Variants in TIGIT observed in about 807,000 individuals in gnomAD.
The protein encoded by TIGIT is T cell immunoreceptor with Ig and ITIM domains.
In TIGIT, 11 loss-of-function variants were observed where a neutral mutation model predicts 19.6. That is an observed-to-expected ratio of 0.56 (90% CI 0.35 to 0.93). The LOEUF is 0.93. TIGIT is among the 40% of genes least tolerant of loss of function. The probability of loss-of-function intolerance (pLI) is 0.01; values close to 1 mark genes in which losing one functional copy is unlikely to be tolerated. For missense variants in TIGIT, 295 were observed against 303.9 expected (o/e 0.97, Z 0.22); for synonymous variants, 130 against 125.5 (o/e 1.04, Z -0.24).
intron 2 of TIGIT, 44 bp from the exon 3 acceptor site, chr3:114,299,553 A>G: frequency 6.8e-7 from 1 of 1,466,190 alleles, no homozygotes. Context: ...AATCAGCTTC[A>G]CTTCTGGCTT....
chr3:114,305,135 C>T (rs772799069), intron 3 of TIGIT, among the ~76,000 whole-genome samples: 5 of 151,260 alleles, frequency 3.3e-5, no homozygotes, highest in Non-Finnish European at 7.4e-5. Context: ...CTAATATTAA[C>T]TATTACCCTA....
intron 2 of TIGIT, among the ~76,000 whole-genome samples, chr3:114,297,782 A>G (rs984406749): frequency 1.9e-4 from 29 of 152,144 alleles, no homozygotes; most frequent in African/African-American, 6.8e-4. Context: ...TCTGTGGCTC[A>G]TGGACCCCTG....
At chr3:114,297,134 G>A (rs2078458974) in intron 2 of TIGIT, among the ~76,000 whole-genome samples, 1 of 152,024 alleles carries the variant, frequency 6.6e-6, no homozygotes, top group Admixed American at 6.5e-5. Context: ...GACCTCCAGT[G>A]ATCTGCCCGC....
At chr3:114,307,794 G>A (rs1044348835) in intron 3 of TIGIT, 101 bp from the exon 4 acceptor site, 1 of 1,041,580 alleles carries the variant, frequency 9.6e-7, no homozygotes, top group Non-Finnish European at 1.5e-6. Context: ...TAAGTTTGCT[G>A]GTGTGCATGT....
At chr3:114,301,227 T>C (rs1176245682) in intron 3 of TIGIT, among the ~76,000 whole-genome samples, 1 of 152,170 alleles carries the variant, frequency 6.6e-6, no homozygotes, top group African/African-American at 2.4e-5. Context: ...AATTTCTACC[T>C]TTACCCCAGA....
At chr3:114,305,164 A>G (rs755098114) in intron 3 of TIGIT, among the ~76,000 whole-genome samples, 1 of 35,028 alleles carries the variant, frequency 2.9e-5, no homozygotes, top group African/African-American at 5.0e-5. Context: ...ACCCAATTCC[A>G]GAGTTCTAAC....
chr3:114,309,824 T>C lies in TIGIT; in HGVS notation c.*1693T>C, dbSNP rs778682046. 6.6e-6 allele frequency: 1 copy of C among 152,232 alleles called. No homozygotes were observed. The highest frequency in any genetic ancestry group is 1.5e-5 in the Non-Finnish European group (1 of 68,046). 9.4% of individuals were successfully genotyped at this position (152,232 alleles called of 1,614,324 possible). A position where few individuals can be genotyped will look rare whatever the true frequency, so the allele number is the denominator to read the frequency against. ...TGTTTTGATTTGGAGGAGGTGTATA[T>C]TCGGCAGAGGTTGGACTGAGAGTTG... On this transcript the variant is annotated 3_prime_UTR_variant, in exon 4 of 4. Transcript: ENST00000383671.
At position 114,295,545 on chromosome 3, in the gene TIGIT, G is replaced by A; in HGVS notation, c.62G>A (p.Gly21Glu). 6.2e-7 allele frequency: 1 copy of A among 1,611,600 alleles called. No individual in the cohort carries two copies. Among genetic ancestry groups the A allele is most frequent in the Non-Finnish European group, 8.5e-7 (1 of 1,178,466 alleles). The change falls in exon 2 of 4, where the codon GGA becomes GAA. Residue 21 changes from glycine to glutamate, a missense_variant and splice_region_variant. By Grantham distance (98) the Gly-to-Glu change is moderately conservative. Transcript: ENST00000383671. ...ACATGTGCTTCGTCCTCTTCCCTAG[G>A]AATGATGACAGGCACAATAGAAACA... ...QGLRQAPLAS[G>E]MMTGTIETTG...
intron 1 of TIGIT, chr3:114,295,170 G>A: frequency 4.2e-6 from 1 of 237,772 alleles, no homozygotes; most frequent in Non-Finnish European, 8.3e-6. Context: ...GGGAGGGAGT[G>A]CAGCCTTGAC....
chr3:114,306,461 G>A (rs993856923), intron 3 of TIGIT, among the ~76,000 whole-genome samples: 1 of 150,334 alleles, frequency 6.7e-6, no homozygotes, highest in East Asian at 1.9e-4. Context: ...CCCATAGACT[G>A]TGTTATTTAG....
rs2078547606 is a variant in TIGIT at position 114,308,054 on chromosome 3, G to C, written c.658G>C (p.Ala220Pro). The C allele has an allele frequency of 6.2e-7, 1 of 1,614,090 alleles. No homozygotes were observed. Among genetic ancestry groups the C allele is most frequent in the Non-Finnish European group, 8.5e-7 (1 of 1,180,036 alleles). The change falls in exon 4 of 4, where the codon GCC becomes CCC. Residue 220 changes from alanine to proline, a missense_variant. By Grantham distance (27) the Ala-to-Pro change is conservative. Coordinates refer to ENST00000383671, the MANE Select transcript of TIGIT (RefSeq NM_173799.4). The part of the protein sequence containing the change: ...LCGEQRGEDC[A>P]ELHDYFNVLS... ...TGGAGAGCAGCGGGGAGAGGACTGT[G>C]CCGAGCTGCATGACTACTTCAATGT...
In TIGIT at chr3:114,294,211, A is replaced by G. The variant is rs547249726; in HGVS notation, c.61+89A>G. 2.3e-5 allele frequency: 23 copies of G among 1,005,040 alleles called. No individual in the cohort carries two copies. The African/African-American group carries it at 2.8e-4, about 12-fold the overall frequency. The allele number at this position is 1,005,040 out of a possible 1,614,324, so 62.3% of individuals were successfully genotyped here. A position where few individuals can be genotyped will look rare whatever the true frequency, so the allele number is the denominator to read the frequency against. On this transcript the variant is annotated intron_variant, in intron 1 of 3. Coordinates refer to ENST00000383671, the MANE Select transcript of TIGIT (RefSeq NM_173799.4). The stretch of plus-strand genomic sequence containing the variant: ...TGGGTGCTTGTGTAGGGAAGACTCC[A>G]AGAGCATGCCACAGCTGCTTGAGAG...
intron 3 of TIGIT, among the ~76,000 whole-genome samples, chr3:114,301,908 A>G (rs999694036): frequency 1.3e-5 from 2 of 152,142 alleles, no homozygotes; most frequent in Admixed American, 6.5e-5. Flanking sequence ...AACATGTAGT[A>G]CTCAAACTGG....
intron 1 of TIGIT, 40 bp downstream of exon 1, chr3:114,294,162 C>T: frequency 6.7e-7 from 1 of 1,499,576 alleles, no homozygotes; most frequent in Non-Finnish European, 9.0e-7. Flanking sequence ...GGAGGAAAAA[C>T]AAGGCTAAGC....
At chr3:114,307,739 G>C in intron 3 of TIGIT, 156 bp from the exon 4 acceptor site, 1 of 672,062 alleles carries the variant, frequency 1.5e-6, no homozygotes. Context: ...TAGCTGTAAC[G>C]CGGTTGAGAA....
chr3:114,306,433 C>T (rs368467364), intron 3 of TIGIT, among the ~76,000 whole-genome samples: 1 of 152,132 alleles, frequency 6.6e-6, no homozygotes, highest in Non-Finnish European at 1.5e-5. Flanking sequence ...CAACAGCATT[C>T]ACTACAGACC....
intron 3 of TIGIT, 31 bp from the exon 4 acceptor site, chr3:114,307,864 C>T: frequency 6.3e-7 from 1 of 1,592,962 alleles, no homozygotes; most frequent in Admixed American, 1.7e-5. Flanking sequence ...AACATCCCCA[C>T]ATACTCACTT....
intron 2 of TIGIT, among the ~76,000 whole-genome samples, chr3:114,297,442 A>G (rs892213266): frequency 6.6e-5 from 10 of 152,210 alleles, no homozygotes; most frequent in African/African-American, 2.2e-4. Context: ...GGCCTGGGAC[A>G]ATAAGCAGGG....
intron 3 of TIGIT, among the ~76,000 whole-genome samples, chr3:114,307,071 A>C (rs2078540028): frequency 6.6e-6 from 1 of 152,206 alleles, no homozygotes; most frequent in South Asian, 2.1e-4. Flanking sequence ...CCTAGGATTA[A>C]AATTGGATGA....
Sources: gnomAD v4.1 joint callset for allele counts (sites outside exome capture counted in the v4.1 genomes callset) on GRCh38, gnomAD v4.1.1 for gene constraint, MANE v1.5 for transcripts, NCBI Gene and HGNC (gene_info 2026-07-23, HGNC 2026-07-21) for gene names.